Variants in ARFIP1 observed in about 807,000 individuals in gnomAD.
The protein encoded by ARFIP1 is ARF interacting protein 1, also known as arfaptin-1.
Under a neutral mutation model 42.5 loss-of-function variants are expected in ARFIP1, and 24 were observed. That is an observed-to-expected ratio of 0.57 (90% CI 0.41 to 0.80). ARFIP1 has a LOEUF of 0.80. Ranked by LOEUF, ARFIP1 falls within the 30% of genes least tolerant of loss-of-function variation. The pLI is 0.00. For missense variants in ARFIP1, 354 were observed against 434.0 expected, an observed-to-expected ratio of 0.82 and a Z score of 1.64; for synonymous variants, 141 against 153.7, an observed-to-expected ratio of 0.92 and a Z score of 0.61.
chr4:152,820,436 T>C (rs531988294), intron 1 of ARFIP1, among the ~76,000 whole-genome samples: 1 of 152,282 alleles, frequency 6.6e-6, no homozygotes, highest in Admixed American at 6.5e-5. Context: ...TAGTTTGTTC[T>C]TACATTGCTA....
chr4:152,881,994 G>A (rs757418198), intron 6 of ARFIP1, among the ~76,000 whole-genome samples: 3 of 152,064 alleles, frequency 2.0e-5, no homozygotes, highest in Non-Finnish European at 4.4e-5. Context: ...ATATGTGATC[G>A]GTTTTTTATT....
intron 8 of ARFIP1, among the ~76,000 whole-genome samples, chr4:152,889,545 TTG>T (rs1211719775): frequency 3.3e-5 from 4 of 120,988 alleles, no homozygotes; most frequent in South Asian, 2.6e-4. Context: ...ACACCTATTT[TTG>T]TGTGTGTGTG....
chr4:152,790,457 GTTTTC>G (rs142598524), intron 1 of ARFIP1, among the ~76,000 whole-genome samples: 5,665 of 152,184 alleles, frequency 0.037, 153 homozygotes, highest in South Asian at 0.079. Flanking sequence ...TTTACAGCTA[GTTTTC>G]TTTTCAGAGA....
At chr4:152,835,570 G>C (rs182468654) in intron 2 of ARFIP1, among the ~76,000 whole-genome samples, 1 of 152,088 alleles carries the variant, frequency 6.6e-6, no homozygotes, top group Non-Finnish European at 1.5e-5. Flanking sequence ...TCTCTAAGAG[G>C]TTCCAAATTT....
In ARFIP1 at chr4:152,824,768, A is replaced by G. The variant is rs564042545; in HGVS notation, c.-9-4857A>G. Among the ~76,000 whole-genome samples, 13 of 152,236 alleles carry G rather than the reference A, an allele frequency of 8.5e-5. No individual in the cohort carries two copies. The East Asian group carries it at 2.5e-3, about 29-fold the overall frequency. ...GGAAGTCCGGTGATCTCTGTTTGCC[A>G]ATGATTGGATACCTAGAAAACCCTA... On this transcript the variant is annotated intron_variant, in intron 1 of 8. Transcript: ENST00000353617.
intron 2 of ARFIP1, among the ~76,000 whole-genome samples, chr4:152,862,088 T>G (rs747523221): frequency 6.6e-6 from 1 of 152,224 alleles, no homozygotes; most frequent in Non-Finnish European, 1.5e-5. Flanking sequence ...TACCGCTATC[T>G]CTCAACATAG....
At chr4:152,879,805 C>T (rs1735677488) in intron 5 of ARFIP1, among the ~76,000 whole-genome samples, 1 of 152,104 alleles carries the variant, frequency 6.6e-6, no homozygotes, top group Admixed American at 6.5e-5. Context: ...GCTGAGGCTG[C>T]ACCATTGCAC....
At chr4:152,852,076 T>G (rs1733034214) in intron 2 of ARFIP1, among the ~76,000 whole-genome samples, 1 of 152,256 alleles carries the variant, frequency 6.6e-6, no homozygotes, top group African/African-American at 2.4e-5. Flanking sequence ...ACTCAAGCAT[T>G]ATGCTAAAAG....
intron 1 of ARFIP1, among the ~76,000 whole-genome samples, chr4:152,793,911 C>T (rs1174925050): frequency 1.3e-5 from 2 of 152,174 alleles, no homozygotes; most frequent in African/African-American, 4.8e-5. Context: ...TTCACTATCT[C>T]TACAGGTTCC....
At chr4:152,872,646 T>A (rs1177937043) in intron 5 of ARFIP1, 82 bp downstream of exon 5, 3 of 684,060 alleles carry the variant, frequency 4.4e-6, no homozygotes, top group Non-Finnish European at 7.0e-6. Flanking sequence ...TATGTTGCAA[T>A]TAAATGCACA....
At chr4:152,894,641 A>T (rs62319950) in intron 8 of ARFIP1, among the ~76,000 whole-genome samples, 6,607 of 152,288 alleles carry the variant, frequency 0.043, 177 homozygotes, top group South Asian at 0.11. Flanking sequence ...GCATTTATGG[A>T]TTGATGTCTG....
chr4:152,849,648 T>C (rs898023321), intron 2 of ARFIP1, among the ~76,000 whole-genome samples: 1 of 151,978 alleles, frequency 6.6e-6, no homozygotes, highest in Non-Finnish European at 1.5e-5. Flanking sequence ...GAAAAGAAGA[T>C]TGAAATTGTG....
chr4:152,823,328 C>T (rs1309854043), intron 1 of ARFIP1, among the ~76,000 whole-genome samples: 1 of 60,484 alleles, frequency 1.7e-5, no homozygotes, highest in South Asian at 5.9e-4. Flanking sequence ...ATCATACAAC[C>T]CCTCAAGCTT....
At position 152,781,234 on chromosome 4, in the gene ARFIP1, C is replaced by CTTTTTTTTTTTT. The variant is rs535397594; in HGVS notation, c.-10+1016_-10+1027dup. Among the ~76,000 whole-genome samples, 14 of 118,920 alleles carry CTTTTTTTTTTTT rather than the reference C, an allele frequency of 1.2e-4. 1 individual carries two copies. The highest frequency in any genetic ancestry group is 2.7e-4 in the South Asian group (1 of 3,732). The allele number at this position is 118,920 out of a possible 152,430, so 78.0% of individuals were successfully genotyped here. ...TTCAGGAATTGGCCTTTTCTTTTTT[C>CTTTTTTTTTTTT]TTTTTTTTTTTTTTTTTTTGAGACA... On this transcript the variant is annotated intron_variant, in intron 1 of 8. Coordinates refer to ENST00000353617, the MANE Select transcript of ARFIP1 (RefSeq NM_001025595.3).
chr4:152,791,344 T>A (rs1050727789), intron 1 of ARFIP1, among the ~76,000 whole-genome samples: 1 of 152,210 alleles, frequency 6.6e-6, no homozygotes, highest in African/African-American at 2.4e-5. Context: ...TTAAATTGTT[T>A]TGACTGAAAA....
chr4:152,794,824 CT>C (rs746602624), intron 1 of ARFIP1, among the ~76,000 whole-genome samples: 3 of 152,038 alleles, frequency 2.0e-5, no homozygotes, highest in Non-Finnish European at 4.4e-5. Flanking sequence ...TATTTTACTC[CT>C]TGTTTTTGAT....
intron 1 of ARFIP1, among the ~76,000 whole-genome samples, chr4:152,818,286 G>C (rs1730069284): frequency 1.3e-5 from 2 of 152,216 alleles, no homozygotes; most frequent in Non-Finnish European, 2.9e-5. Flanking sequence ...TCCAGAGCTT[G>C]GGAAGGGGAG....
intron 1 of ARFIP1, chr4:152,796,884 T>C (rs1431907213): frequency 8.9e-6 from 4 of 449,574 alleles, no homozygotes; most frequent in Non-Finnish European, 1.6e-5. Context: ...GCAAAAATGC[T>C]CTCCTTTACC....
At chr4:152,858,890 C>CT (rs1420817286) in intron 2 of ARFIP1, among the ~76,000 whole-genome samples, 2 of 152,080 alleles carry the variant, frequency 1.3e-5, no homozygotes, top group African/African-American at 4.8e-5. Flanking sequence ...TGTATGTTAT[C>CT]TTTAAAGGAG....
Sources: gnomAD v4.1 joint callset for allele counts (sites outside exome capture counted in the v4.1 genomes callset) on GRCh38, gnomAD v4.1.1 for gene constraint, MANE v1.5 for transcripts, NCBI Gene and HGNC (gene_info 2026-07-23, HGNC 2026-07-21) for gene names.